Variants in TEX36 observed in about 807,000 individuals in gnomAD.
The protein encoded by TEX36 is testis expressed 36.
Under a neutral mutation model 13.6 loss-of-function variants are expected in TEX36, and 12 were observed. The observed-to-expected ratio is 0.88, with a 90% confidence interval of 0.56 to 1.43. The LOEUF (loss-of-function observed/expected upper bound fraction) is 1.43, where lower values mean the gene tolerates loss of function less well. Ranked by LOEUF, TEX36 falls within the 40% of genes most tolerant of loss-of-function variation. TEX36 has a pLI of 0.00. For synonymous variants in TEX36, 93 were observed against 83.0 expected, an observed-to-expected ratio of 1.12 and a Z score of -0.65; for missense variants, 224 against 228.3, an observed-to-expected ratio of 0.98 and a Z score of 0.12.
chr10:125,610,879 G>A (rs1210438529), intron 3 of TEX36, among the ~76,000 whole-genome samples: 1 of 151,492 alleles, frequency 6.6e-6, no homozygotes, highest in Non-Finnish European at 1.5e-5. Flanking sequence ...TTTTCATATT[G>A]ATAATCAATT....
At chr10:125,598,358 C>T (rs746876591) in intron 3 of TEX36, among the ~76,000 whole-genome samples, 19 of 152,158 alleles carry the variant, frequency 1.2e-4, no homozygotes, top group African/African-American at 3.9e-4. Flanking sequence ...AGTTTTTTGG[C>T]GGTGATGGTA....
intron 3 of TEX36, among the ~76,000 whole-genome samples, chr10:125,649,685 A>G (rs559378026): frequency 1.8e-4 from 28 of 152,388 alleles, no homozygotes; most frequent in Admixed American, 1.7e-3. Flanking sequence ...TGCTCCAATT[A>G]AAAGACACAG....
At chr10:125,593,204 T>C (rs1404239054) in intron 3 of TEX36, among the ~76,000 whole-genome samples, 1 of 152,214 alleles carries the variant, frequency 6.6e-6, no homozygotes, top group Non-Finnish European at 1.5e-5. Flanking sequence ...CCACCAGTCA[T>C]CTCATTAGCA....
At chr10:125,582,709 G>A (rs191982446) in intron 3 of TEX36, among the ~76,000 whole-genome samples, 2 of 152,180 alleles carry the variant, frequency 1.3e-5, no homozygotes, top group Non-Finnish European at 2.9e-5. Context: ...TGGATTAAGA[G>A]CTCAAAGTCT....
chr10:125,584,257 C>A (rs1845917532), intron 3 of TEX36, among the ~76,000 whole-genome samples: 1 of 152,224 alleles, frequency 6.6e-6, no homozygotes, highest in African/African-American at 2.4e-5. Flanking sequence ...GCCAAAGCTG[C>A]TGACACACAA....
At chr10:125,609,113 C>G (rs1477508786) in intron 3 of TEX36, among the ~76,000 whole-genome samples, 2 of 149,702 alleles carry the variant, frequency 1.3e-5, no homozygotes, top group Non-Finnish European at 2.9e-5. Context: ...CGAGATGGTG[C>G]CACTGCACTC....
Position 125,675,005 on chromosome 10 carries a change from C to G in TEX36, c.51+7934G>C, listed in dbSNP as rs190576877. Among the ~76,000 whole-genome samples the G allele has an allele frequency of 2.1e-3, 314 of 152,350 alleles. 2 individuals carry two copies. The highest frequency in any genetic ancestry group is 7.0e-3 in the African/African-American group (292 of 41,576). ...TCCAGATTGCCCAGGTTCCTTAGAG[C>G]CAGCAGGGGAGAAGACTAAGTCTGC... is the stretch of plus-strand genomic sequence containing the variant. On this transcript the variant is annotated intron_variant, in intron 1 of 3. Transcript: ENST00000368821.
intron 3 of TEX36, among the ~76,000 whole-genome samples, chr10:125,614,763 A>G (rs969425744): frequency 3.2e-4 from 49 of 152,260 alleles, no homozygotes; most frequent in African/African-American, 8.9e-4. Context: ...TTGGCGATGC[A>G]GGCTCTTTTT....
chr10:125,617,043 C>T (rs1480605303), downstream of TEX36, among the ~76,000 whole-genome samples: 1 of 152,150 alleles, frequency 6.6e-6, no homozygotes, highest in Non-Finnish European at 1.5e-5. Flanking sequence ...TAAGTAATGG[C>T]CTTCTTTGTC....
At chr10:125,584,145 A>T (rs1409182392) in intron 3 of TEX36, among the ~76,000 whole-genome samples, 1 of 152,244 alleles carries the variant, frequency 6.6e-6, no homozygotes, top group Non-Finnish European at 1.5e-5. Context: ...CTGCCATGTT[A>T]TGAGTCTATC....
intron 3 of TEX36, among the ~76,000 whole-genome samples, chr10:125,604,063 G>T (rs577085986): frequency 4.6e-4 from 70 of 152,266 alleles, no homozygotes; most frequent in African/African-American, 1.5e-3. Context: ...GGGTCTGTAT[G>T]TCAGAGTTGA....
intron 1 of TEX36, among the ~76,000 whole-genome samples, chr10:125,680,566 T>C (rs1458365743): frequency 1.3e-5 from 2 of 152,138 alleles, no homozygotes; most frequent in African/African-American, 4.8e-5. Context: ...AAAAAGTCTT[T>C]CCTACCTGGC....
intron 1 of TEX36, among the ~76,000 whole-genome samples, chr10:125,664,646 T>C (rs573322470): frequency 2.6e-5 from 4 of 152,172 alleles, no homozygotes; most frequent in Non-Finnish European, 1.5e-5. Flanking sequence ...CCTGCTGCCA[T>C]GTAAGATATG....
At chr10:125,657,531 G>A (rs1846968361) in intron 3 of TEX36, among the ~76,000 whole-genome samples, 1 of 152,152 alleles carries the variant, frequency 6.6e-6, no homozygotes, top group African/African-American at 2.4e-5. Context: ...GAAAATAGGG[G>A]AAAGAGCTTC....
chr10:125,675,849 A>G (rs1237845882), intron 1 of TEX36, among the ~76,000 whole-genome samples: 1 of 152,062 alleles, frequency 6.6e-6, no homozygotes, highest in African/African-American at 2.4e-5. Flanking sequence ...CTCCCCACTA[A>G]TTTTATCCCA....
At chr10:125,624,776 G>A (rs1846467013) in intron 3 of TEX36, among the ~76,000 whole-genome samples, 1 of 152,076 alleles carries the variant, frequency 6.6e-6, no homozygotes, top group African/African-American at 2.4e-5. Flanking sequence ...GGCACAGAGG[G>A]TTTTGTGAGA....
chr10:125,647,221 C>A (rs1432399902), intron 3 of TEX36, among the ~76,000 whole-genome samples: 3 of 152,142 alleles, frequency 2.0e-5, no homozygotes, highest in East Asian at 3.9e-4. Context: ...GACGTACAAC[C>A]ATAGCACAAA....
At chr10:125,616,282 C>T (rs1846357487) in intron 3 of TEX36, among the ~76,000 whole-genome samples, 1 of 151,598 alleles carries the variant, frequency 6.6e-6, no homozygotes, top group Non-Finnish European at 1.5e-5. Context: ...GTCTCTATTT[C>T]CTTCAGTTCT....
At chr10:125,585,207 G>T (rs1408103545) in intron 3 of TEX36, among the ~76,000 whole-genome samples, 2 of 152,186 alleles carry the variant, frequency 1.3e-5, no homozygotes, top group Non-Finnish European at 2.9e-5. Context: ...GGCTTAAGGT[G>T]TGTCCCGAGG....
Sources: gnomAD v4.1 joint callset for allele counts (sites outside exome capture counted in the v4.1 genomes callset) on GRCh38, gnomAD v4.1.1 for gene constraint, MANE v1.5 for transcripts, NCBI Gene and HGNC (gene_info 2026-07-23, HGNC 2026-07-21) for gene names.